The following A4GALT variants were observed in gnomAD, a reference collection of about 807,000 sequenced individuals.
A4GALT encodes lactosylceramide 4-alpha-galactosyltransferase.
For synonymous variants in A4GALT, 257 were observed against 220.7 expected (o/e 1.16, Z -1.46); for missense variants, 512 against 486.0 (o/e 1.05, Z -0.50).
At position 42,697,691 on chromosome 22, in the gene A4GALT, C is replaced by T. The variant is rs1007207967; in HGVS notation, c.-187-2060G>A. 6.7e-4 allele frequency among the ~76,000 whole-genome samples: 102 copies of T among 152,180 alleles called. 2 individuals are homozygous for T. The highest frequency in any genetic ancestry group is 2.9e-5 in the Non-Finnish European group (2 of 68,026). On this transcript the variant is annotated intron_variant, in intron 1 of 2. Coordinates refer to ENST00000642412, the MANE Select transcript of A4GALT (RefSeq NM_017436.7). The stretch of plus-strand genomic sequence containing the variant: ...GCCAAGTTGGCCGCAGCCCAATATC[C>T]AGGTGACCTCAGGCCCAAAGCATGC...
intron 1 of A4GALT, among the ~76,000 whole-genome samples, chr22:42,704,237 C>T (rs1920953449): frequency 6.6e-6 from 1 of 152,194 alleles, no homozygotes; most frequent in African/African-American, 2.4e-5. Flanking sequence ...AATCCCAGCA[C>T]TTTGGGAGGC....
chr22:42,720,132 AGAG>A (rs1922574888), intron 1 of A4GALT, among the ~76,000 whole-genome samples: 1 of 152,048 alleles, frequency 6.6e-6, no homozygotes, highest in African/African-American at 2.4e-5. Flanking sequence ...CCCCAGCTGG[AGAG>A]GAGGGAGGGG....
chr22:42,715,502 A>C (rs757016613), intron 1 of A4GALT, among the ~76,000 whole-genome samples: 5 of 151,998 alleles, frequency 3.3e-5, no homozygotes, highest in Non-Finnish European at 5.9e-5. Context: ...TGTGAGGATC[A>C]CTTGAGCCCA....
intron 1 of A4GALT, among the ~76,000 whole-genome samples, chr22:42,703,084 T>TGTGTGAGA (rs1555886989): frequency 3.0e-5 from 4 of 131,226 alleles, no homozygotes; most frequent in African/African-American, 1.4e-4. Flanking sequence ...TGTGTGTGTG[T>TGTGTGAGA]GAGAGAGAGC....
rs1320826818 is a variant in A4GALT at position 42,702,917 on chromosome 22, G to A, written c.-187-7286C>T. Among the ~76,000 whole-genome samples, 2 of 119,644 alleles carry A rather than the reference G, an allele frequency of 1.7e-5. 1 individual carries two copies. Among genetic ancestry groups the A allele is most frequent in the Non-Finnish European group, 3.3e-5 (2 of 61,432 alleles). The allele number at this position is 119,644 out of a possible 152,430, so 78.5% of individuals were successfully genotyped here. ...TGCGGGGATTACTCCAGCCAATCCCGGTCCCTGCTCCCCTGTTTAACTTTC... is the reference window on the plus strand; with the variant it reads ...TGCGGGGATTACTCCAGCCAATCCCAGTCCCTGCTCCCCTGTTTAACTTTC... On this transcript the variant is annotated intron_variant, in intron 1 of 2. Coordinates refer to ENST00000642412, the MANE Select transcript of A4GALT (RefSeq NM_017436.7).
chr22:42,706,354 CAAAAAAAAA>C (rs1164664187), intron 1 of A4GALT, among the ~76,000 whole-genome samples: 1 of 83,820 alleles, frequency 1.2e-5, no homozygotes, highest in East Asian at 3.9e-4. Context: ...GACTCCATCC[CAAAAAAAAA>C]AAAAAAAAAA....
chr22:42,709,323 G>A (rs1309124819), intron 1 of A4GALT, among the ~76,000 whole-genome samples: 2 of 131,222 alleles, frequency 1.5e-5, no homozygotes, highest in African/African-American at 2.8e-5. Flanking sequence ...GGAACTACAG[G>A]CACGAGCCAC....
intron 1 of A4GALT, among the ~76,000 whole-genome samples, chr22:42,719,122 C>T (rs932442481): frequency 6.6e-6 from 1 of 152,216 alleles, no homozygotes; most frequent in Non-Finnish European, 1.5e-5. Flanking sequence ...CAGGGCCCAT[C>T]ACACGAACTG....
chr22:42,703,375 C>A (rs1920940849), intron 1 of A4GALT, among the ~76,000 whole-genome samples: 1 of 151,624 alleles, frequency 6.6e-6, no homozygotes, highest in Non-Finnish European at 1.5e-5. Flanking sequence ...CCTGCCTCAG[C>A]CTCCCGAGTA....
At chr22:42,696,889 G>A (rs890019774) in intron 1 of A4GALT, among the ~76,000 whole-genome samples, 1 of 151,014 alleles carries the variant, frequency 6.6e-6, no homozygotes, top group Non-Finnish European at 1.5e-5. Context: ...CTGCTTGGAG[G>A]GTTCTTCTCT....
intron 1 of A4GALT, among the ~76,000 whole-genome samples, chr22:42,719,189 C>G (rs985194059): frequency 2.6e-5 from 4 of 152,120 alleles, no homozygotes; most frequent in Non-Finnish European, 4.4e-5. Flanking sequence ...TACAAGGAAA[C>G]AAAACATATT....
At chr22:42,698,939 GCAACGT>G (rs142324836) in intron 1 of A4GALT, among the ~76,000 whole-genome samples, 17,833 of 151,994 alleles carry the variant, frequency 0.12, 1,135 homozygotes, top group African/African-American at 0.16. Flanking sequence ...AAATGCCATC[GCAACGT>G]CAGGAAGTTA....
At chr22:42,700,640 G>A (rs527560379) in intron 1 of A4GALT, among the ~76,000 whole-genome samples, 1 of 152,306 alleles carries the variant, frequency 6.6e-6, no homozygotes, top group Non-Finnish European at 1.5e-5. Flanking sequence ...CAGCGCCAGG[G>A]TCACACGGGT....
chr22:42,698,997 C>T (rs890673471), intron 1 of A4GALT, among the ~76,000 whole-genome samples: 30 of 152,196 alleles, frequency 2.0e-4, no homozygotes, highest in Admixed American at 2.0e-3. Context: ...TAATCCACCC[C>T]TTGTTTAGCA....
chr22:42,694,948 C>G (rs1930820413), intron 2 of A4GALT: 1 of 152,168 alleles, frequency 6.6e-6, no homozygotes, highest in African/African-American at 2.4e-5. Flanking sequence ...AATCACCACC[C>G]CCACCCTACA....
At chr22:42,709,999 A>G (rs2147023551) in intron 1 of A4GALT, among the ~76,000 whole-genome samples, 1 of 152,262 alleles carries the variant, frequency 6.6e-6, no homozygotes. Context: ...ATCAATGGAC[A>G]CTTCCTTAAC....
intron 1 of A4GALT, among the ~76,000 whole-genome samples, chr22:42,707,284 AAT>A (rs1921232115): frequency 2.6e-5 from 4 of 152,336 alleles, no homozygotes; most frequent in African/African-American, 4.8e-5. Context: ...ATTATGAAGC[AAT>A]ATGACTAGAA....
In A4GALT at chr22:42,693,750, TG is replaced by T; in HGVS notation, c.201del (p.Thr68ProfsTer46). On this transcript the variant is annotated frameshift_variant, in exon 3 of 3. Coordinates refer to ENST00000642412, the MANE Select transcript of A4GALT (RefSeq NM_017436.7). LOFTEE classifies it low-confidence loss of function (END_TRUNC). ...AEIPCPTLTP[P>X]TPPSHGPTPG... ...GGAGTGGGGCCGTGGGAGGGTGGGG[TG>T]GGGGGTGTCAAGGTGGGGCAGGGGA... The T allele has an allele frequency of 2.6e-6, 1 of 391,458 alleles. No homozygotes were observed. The allele number at this position is 391,458 out of a possible 1,614,324, so 24.2% of individuals were successfully genotyped here.
chr22:42,709,659 G>T (rs1231171232), intron 1 of A4GALT, among the ~76,000 whole-genome samples: 1 of 151,964 alleles, frequency 6.6e-6, no homozygotes, highest in Non-Finnish European at 1.5e-5. Flanking sequence ...GTGTGGTGGG[G>T]CACAACTGTA....
Sources: allele counts gnomAD v4.1 joint callset (sites outside exome capture counted in the v4.1 genomes callset), GRCh38; gene constraint gnomAD v4.1.1; transcripts MANE v1.5; gene names NCBI Gene and HGNC (gene_info 2026-07-23, HGNC 2026-07-21).